NR2E1: variants seen among roughly 807,000 people sequenced by gnomAD.
The protein encoded by NR2E1 is nuclear receptor TLX.
NR2E1 carries 5 observed loss-of-function variants against 43.6 expected under a neutral mutation model. The ratio of observed to expected loss-of-function variants is 0.11; its 90% CI spans 0.06 to 0.24. The LOEUF (loss-of-function observed/expected upper bound fraction) is 0.24, where lower values mean the gene tolerates loss of function less well. NR2E1 is among the 10% of genes least tolerant of loss of function. The pLI is 1.00. For missense variants in NR2E1, 287 were observed against 496.7 expected (o/e 0.58, Z 4.01); for synonymous variants, 191 against 195.5 (o/e 0.98, Z 0.19).
intron 2 of NR2E1, among the ~76,000 whole-genome samples, chr6:108,173,194 G>A (rs992265717): frequency 9.9e-5 from 15 of 152,116 alleles, no homozygotes; most frequent in Admixed American, 2.0e-4. Context: ...TCTCTCTGGC[G>A]CTAGATATTT....
chr6:108,175,443 C>T (rs903213216), intron 3 of NR2E1, among the ~76,000 whole-genome samples: 3 of 152,214 alleles, frequency 2.0e-5, no homozygotes, highest in African/African-American at 7.2e-5. Context: ...GCCATTGGGC[C>T]GATGTGAGTC....
intron 2 of NR2E1, 143 bp from the exon 3 acceptor site, chr6:108,174,693 C>A (rs1773867663): frequency 1.5e-6 from 1 of 682,372 alleles, no homozygotes; most frequent in South Asian, 1.6e-5. Flanking sequence ...AAGGCCCTCG[C>A]GTTTTGCAGG....
At chr6:108,178,333 C>T in intron 5 of NR2E1, 92 bp downstream of exon 5, 2 of 1,353,120 alleles carry the variant, frequency 1.5e-6, no homozygotes, top group South Asian at 1.2e-5. Flanking sequence ...CTGGGTAAAC[C>T]ACCCAAGGCA....
At chr6:108,176,414 A>C in intron 3 of NR2E1, 89 bp from the exon 4 acceptor site, 2 of 1,357,782 alleles carry the variant, frequency 1.5e-6, no homozygotes, top group Non-Finnish European at 2.1e-6. Flanking sequence ...CCCAGACTTG[A>C]CATTGGGGCG....
intron 4 of NR2E1, 133 bp downstream of exon 4, chr6:108,176,871 A>AT: frequency 1.2e-6 from 1 of 818,590 alleles, no homozygotes; most frequent in Non-Finnish European, 1.9e-6. Flanking sequence ...GGGTCTCTGC[A>AT]TGGAGCTCCA....
At chr6:108,175,072 C>A in intron 3 of NR2E1, 149 bp downstream of exon 3, 1 of 755,746 alleles carries the variant, frequency 1.3e-6, no homozygotes, top group Non-Finnish European at 2.3e-6. Flanking sequence ...TCAGTCGTAT[C>A]CTTCCCGTCT....
chr6:108,183,218 G>C lies in NR2E1; in HGVS notation c.995+1567G>C, dbSNP rs528192526. Among the ~76,000 whole-genome samples the C allele has an allele frequency of 1.8e-4, 28 of 152,176 alleles. No homozygotes were observed. The South Asian group carries it at 5.8e-3, about 32-fold the overall frequency. ...CAAGCCCATTAAGAAGTATAGACTGGGGGCTGAGGTGGCTCCACACCTGTA... is the reference window on the plus strand; with the variant it reads ...CAAGCCCATTAAGAAGTATAGACTGCGGGCTGAGGTGGCTCCACACCTGTA... On this transcript the variant is annotated intron_variant, in intron 8 of 8. Coordinates refer to ENST00000368986, the MANE Select transcript of NR2E1 (RefSeq NM_003269.5).
chr6:108,179,796 A>T (rs1773955585), intron 5 of NR2E1, among the ~76,000 whole-genome samples: 1 of 152,116 alleles, frequency 6.6e-6, no homozygotes, highest in African/African-American at 2.4e-5. Flanking sequence ...TGAGACGAGG[A>T]AAACTCAGCA....
chr6:108,185,202 C>G (rs2114683331), intron 8 of NR2E1, among the ~76,000 whole-genome samples: 1 of 152,300 alleles, frequency 6.6e-6, no homozygotes, highest in Middle Eastern at 3.4e-3. Flanking sequence ...AAGGAGAAGG[C>G]TAGGAATTGA....
chr6:108,175,222 C>A (rs1007743999), intron 3 of NR2E1, among the ~76,000 whole-genome samples: 3 of 152,238 alleles, frequency 2.0e-5, no homozygotes, highest in Non-Finnish European at 4.4e-5. Flanking sequence ...CGCGCATTTT[C>A]TGCCTCCGGT....
chr6:108,182,260 A>AAAG (rs1562406504), intron 8 of NR2E1, among the ~76,000 whole-genome samples: 4 of 151,882 alleles, frequency 2.6e-5, no homozygotes, highest in Non-Finnish European at 1.5e-5. Context: ...AAAAAAAAAA[A>AAAG]AAGAAGCTCA....
At chr6:108,176,809 GC>G in intron 4 of NR2E1, 71 bp downstream of exon 4, 1 of 1,415,360 alleles carries the variant, frequency 7.1e-7, no homozygotes, top group Non-Finnish European at 9.5e-7. Context: ...GTTCTTCTGA[GC>G]TGTGTGATTG....
chr6:108,173,288 G>C (rs548562227), intron 2 of NR2E1, among the ~76,000 whole-genome samples: 1 of 152,260 alleles, frequency 6.6e-6, no homozygotes, highest in South Asian at 2.1e-4. Flanking sequence ...AAGAATACTG[G>C]AAAGATACCA....
chr6:108,178,354 C>A, intron 5 of NR2E1, 113 bp downstream of exon 5: 1 of 1,108,510 alleles, frequency 9.0e-7, no homozygotes, highest in Non-Finnish European at 1.4e-6. Context: ...GGCATCCATT[C>A]TTAATAGCAG....
chr6:108,171,115 C>T (rs1773804435), intron 1 of NR2E1, among the ~76,000 whole-genome samples: 1 of 152,130 alleles, frequency 6.6e-6, no homozygotes, highest in African/African-American at 2.4e-5. Context: ...AGGAGGGAGG[C>T]GGCCAAACTT....
chr6:108,170,371 G>A (rs986344805), intron 1 of NR2E1, among the ~76,000 whole-genome samples: 16 of 152,126 alleles, frequency 1.1e-4, no homozygotes, highest in African/African-American at 3.9e-4. Context: ...TGTTTTGCGG[G>A]AGGAAGCATT....
chr6:108,166,826 C>T lies in NR2E1; in HGVS notation c.25+36C>T. On this transcript the variant is annotated intron_variant, in intron 1 of 8. Transcript: ENST00000368986. This position sits in a 1 kb window ranked among gnomAD's most constrained non-coding sequence, Gnocchi z 7.2. ...CTCGGGCCGCCGTGGGGCCTAGGCGCGCAGCCTGGGGCGAGCGAGCGGGGA... is the reference window on the plus strand; with the variant it reads ...CTCGGGCCGCCGTGGGGCCTAGGCGTGCAGCCTGGGGCGAGCGAGCGGGGA... The T allele has an allele frequency of 6.3e-7, 1 of 1,581,682 alleles. No individual in the cohort carries two copies. Among genetic ancestry groups the T allele is most frequent in the Non-Finnish European group, 8.6e-7 (1 of 1,167,334 alleles).
chr6:108,174,701 A>AGGCCCAGGCTCGGGGCTCCAG (rs1483026880), intron 2 of NR2E1, 135 bp from the exon 3 acceptor site: 1 of 702,370 alleles, frequency 1.4e-6, no homozygotes, highest in East Asian at 2.7e-5. Context: ...CGCGTTTTGC[A>AGGCCCAGGCTCGGGGCTCCAG]GGCCCAGGCT....
chr6:108,183,279 A>T lies in NR2E1; in HGVS notation c.995+1628A>T, dbSNP rs571468974. ...TTTGGGAGGCCAAGGCAGGCAGTTCACTTGAGCTCAAGAGTTCGAGACCAG... is the reference window on the plus strand; with the variant it reads ...TTTGGGAGGCCAAGGCAGGCAGTTCTCTTGAGCTCAAGAGTTCGAGACCAG... On this transcript the variant is annotated intron_variant, in intron 8 of 8. Transcript: ENST00000368986. 2.3e-3 allele frequency among the ~76,000 whole-genome samples: 351 copies of T among 151,792 alleles called. 1 individual carries two copies. The highest frequency in any genetic ancestry group is 8.0e-3 in the African/African-American group (332 of 41,364).
Sources: gnomAD v4.1 joint callset for allele counts (sites outside exome capture counted in the v4.1 genomes callset) on GRCh38, gnomAD v4.1.1 for gene constraint, Gnocchi (gnomAD v3.1) non-coding constraint, MANE v1.5 for transcripts, NCBI Gene and HGNC (gene_info 2026-07-23, HGNC 2026-07-21) for gene names.